The following FNDC3B variants were observed in gnomAD, a reference collection of about 807,000 sequenced individuals.
The protein encoded by FNDC3B is fibronectin type III domain-containing protein 3B.
Under a neutral mutation model 151.5 loss-of-function variants are expected in FNDC3B, and 12 were observed. The observed-to-expected ratio is 0.08, with a 90% CI of 0.05 to 0.13. FNDC3B has a LOEUF of 0.13. Among genes scored for constraint, FNDC3B ranks in the 10% least tolerant of loss-of-function variants. The pLI, the probability that FNDC3B is intolerant of heterozygous loss-of-function variation, is 1.00. For missense variants in FNDC3B, 1,214 were observed against 1,505.3 expected, an observed-to-expected ratio of 0.81 and a Z score of 3.20; for synonymous variants, 528 against 549.0, an observed-to-expected ratio of 0.96 and a Z score of 0.54.
intron 1 of FNDC3B, among the ~76,000 whole-genome samples, chr3:172,101,297 C>T (rs750483566): frequency 2.0e-4 from 30 of 152,192 alleles, no homozygotes; most frequent in Middle Eastern, 3.2e-3. Flanking sequence ...TTTCGTAGAG[C>T]ATGGAGGTCT....
chr3:172,142,976 A>T lies in FNDC3B; in HGVS notation c.187+9430A>T, dbSNP rs189936094. Among the ~76,000 whole-genome samples the T allele has an allele frequency of 9.2e-5, 14 of 152,244 alleles. No individual in the cohort carries two copies. The East Asian group carries it at 2.5e-3, about 27-fold the overall frequency. ...CTAGGGGTCTTCTTGGGCCTCCTTTATAAGGACACTAATCCCTCATGAATG... is the reference window on the plus strand; with the variant it reads ...CTAGGGGTCTTCTTGGGCCTCCTTTTTAAGGACACTAATCCCTCATGAATG... On this transcript the variant is annotated intron_variant, in intron 3 of 25. Transcript: ENST00000415807.
rs145126080 is a variant in FNDC3B, at chr3:172,231,213, C to T, written c.264+4266C>T. On this transcript the variant is annotated intron_variant, in intron 4 of 25. Coordinates refer to ENST00000415807, the MANE Select transcript of FNDC3B (RefSeq NM_022763.4). Reference sequence around the variant, plus strand: ...TGAAAGAAGCCAGATATAAAAGCCACATATTGTATCATTCCACTTATATAA... The same window carrying T: ...TGAAAGAAGCCAGATATAAAAGCCATATATTGTATCATTCCACTTATATAA... 2.0e-5 allele frequency among the ~76,000 whole-genome samples: 3 copies of T among 152,328 alleles called. No individual in the cohort carries two copies. The East Asian group carries it at 5.8e-4, about 29-fold the overall frequency.
intron 2 of FNDC3B, among the ~76,000 whole-genome samples, chr3:172,122,503 G>A (rs531960829): frequency 6.6e-6 from 1 of 152,226 alleles, no homozygotes; most frequent in African/African-American, 2.4e-5. Context: ...GCTAGACATG[G>A]TGGGTCCCCA....
intron 3 of FNDC3B, among the ~76,000 whole-genome samples, chr3:172,178,614 G>A (rs1398692775): frequency 2.6e-5 from 4 of 152,306 alleles, no homozygotes; most frequent in African/African-American, 9.6e-5. Context: ...GATGGGAGGA[G>A]GGAAAAGCGA....
At chr3:172,224,098 G>A (rs751848285) in intron 3 of FNDC3B, among the ~76,000 whole-genome samples, 2 of 152,226 alleles carry the variant, frequency 1.3e-5, no homozygotes, top group Non-Finnish European at 2.9e-5. Context: ...ATTGAGCTGT[G>A]TACATCAGCC....
intron 1 of FNDC3B, among the ~76,000 whole-genome samples, chr3:172,108,342 CAT>C (rs1360049516): frequency 6.6e-6 from 1 of 152,200 alleles, no homozygotes; most frequent in Admixed American, 6.5e-5. Flanking sequence ...TAATGAAGAA[CAT>C]GTGTAATTTC....
intron 1 of FNDC3B, among the ~76,000 whole-genome samples, chr3:172,049,225 A>AT (rs1179917586): frequency 7.2e-5 from 11 of 152,020 alleles, no homozygotes; most frequent in Non-Finnish European, 1.2e-4. Context: ...GTATATAGTT[A>AT]TTTTTTCTTC....
intron 25 of FNDC3B, among the ~76,000 whole-genome samples, chr3:172,392,805 TTTTTC>T (rs1185329724): frequency 1.2e-5 from 1 of 85,808 alleles, no homozygotes; most frequent in Non-Finnish European, 2.7e-5. Flanking sequence ...TTTCTTTTTT[TTTTTC>T]TTTTTTTTTT....
chr3:172,092,416 G>A (rs775582367), intron 1 of FNDC3B, among the ~76,000 whole-genome samples: 8 of 152,190 alleles, frequency 5.3e-5, no homozygotes, highest in African/African-American at 9.7e-5. Flanking sequence ...ATTATTAAGT[G>A]GGGGAGAAAA....
rs1463793212 is a variant in FNDC3B at position 172,084,131 on chromosome 3, G to A, written c.-28-28321G>A. ...TTAGTGGCTACTTGTTACTTCTGAA[G>A]GATCAAAGGGCTTGGGACGTTTACA... On this transcript the variant is annotated intron_variant, in intron 1 of 25. Transcript: ENST00000415807. Among the ~76,000 whole-genome samples, 3 of 152,046 alleles carry A rather than the reference G, an allele frequency of 2.0e-5. No homozygotes were observed. In the East Asian group the frequency reaches 5.8e-4, roughly 29 times the overall value.
intron 6 of FNDC3B, among the ~76,000 whole-genome samples, chr3:172,262,562 T>C (rs1728699639): frequency 6.6e-6 from 1 of 152,126 alleles, no homozygotes; most frequent in Non-Finnish European, 1.5e-5. Flanking sequence ...TTTTAGAGTT[T>C]TGATGTGCTT....
chr3:172,168,499 C>T (rs1434753072), intron 3 of FNDC3B, among the ~76,000 whole-genome samples: 4 of 152,160 alleles, frequency 2.6e-5, no homozygotes, highest in Non-Finnish European at 2.9e-5. Context: ...CATGCGAGAA[C>T]TGACAGTTAA....
At chr3:172,178,377 C>A (rs987466636) in intron 3 of FNDC3B, among the ~76,000 whole-genome samples, 17 of 151,892 alleles carry the variant, frequency 1.1e-4, no homozygotes, top group African/African-American at 3.6e-4. Context: ...ACATTTGTAG[C>A]AAGCTGGTTG....
At chr3:172,308,209 A>T (rs895147495) in intron 10 of FNDC3B, among the ~76,000 whole-genome samples, 4 of 152,200 alleles carry the variant, frequency 2.6e-5, no homozygotes, top group Non-Finnish European at 5.9e-5. Flanking sequence ...AAAAAGACTG[A>T]ATTATATATT....
chr3:172,295,622 T>C, intron 8 of FNDC3B, 108 bp downstream of exon 8: 1 of 963,510 alleles, frequency 1.0e-6, no homozygotes, highest in Non-Finnish European at 1.5e-6. Context: ...AATTTTCCTT[T>C]AGTTTATTTT....
At chr3:172,189,072 G>A (rs536617013) in intron 3 of FNDC3B, among the ~76,000 whole-genome samples, 3 of 152,166 alleles carry the variant, frequency 2.0e-5, no homozygotes, top group Non-Finnish European at 4.4e-5. Flanking sequence ...GGAACTGTAA[G>A]TATTTCTTTT....
chr3:172,139,782 T>C lies in FNDC3B; in HGVS notation c.187+6236T>C, dbSNP rs554876630. ...TTTTTTTGTTTTTTGAGACAGGGTATCCTGTCTCAAAAACAAAGACCTGGC... is the reference window on the plus strand; with the variant it reads ...TTTTTTTGTTTTTTGAGACAGGGTACCCTGTCTCAAAAACAAAGACCTGGC... On this transcript the variant is annotated intron_variant, in intron 3 of 25. Transcript: ENST00000415807. Among the ~76,000 whole-genome samples, 76 of 151,548 alleles carry C rather than the reference T, an allele frequency of 5.0e-4. 2 individuals are homozygous for C. Among genetic ancestry groups the C allele is most frequent in the African/African-American group, 1.8e-3 (74 of 41,330 alleles).
intron 1 of FNDC3B, among the ~76,000 whole-genome samples, chr3:172,070,922 T>A (rs1305061088): frequency 6.6e-6 from 1 of 152,228 alleles, no homozygotes; most frequent in African/African-American, 2.4e-5. Flanking sequence ...TCATCTAATT[T>A]AAAACAAAAA....
chr3:172,220,171 G>A (rs1444606196), intron 3 of FNDC3B, among the ~76,000 whole-genome samples: 3 of 150,720 alleles, frequency 2.0e-5, no homozygotes. Flanking sequence ...TATTTTCTGT[G>A]TGTGTGTGTG....
Sources: gnomAD v4.1 joint callset for allele counts (sites outside exome capture counted in the v4.1 genomes callset) on GRCh38, gnomAD v4.1.1 for gene constraint, MANE v1.5 for transcripts, NCBI Gene and HGNC (gene_info 2026-07-23, HGNC 2026-07-21) for gene names.